The following TCAIM variants were observed in gnomAD, a reference collection of about 807,000 sequenced individuals.
TCAIM encodes the protein T-cell activation inhibitor, mitochondrial.
In TCAIM, 36 loss-of-function variants were observed where a neutral mutation model predicts 58.6. The observed-to-expected ratio is 0.61, with a 90% CI of 0.47 to 0.81. The LOEUF (loss-of-function observed/expected upper bound fraction) is 0.81, where lower values mean the gene tolerates loss of function less well. Ranked by LOEUF, TCAIM falls within the 30% of genes least tolerant of loss-of-function variation. The pLI is 0.00. For missense variants in TCAIM, 466 were observed against 579.6 expected (o/e 0.80, Z 2.01); for synonymous variants, 172 against 193.6 (o/e 0.89, Z 0.93).
chr3:44,372,337 A>G (rs7617320), intron 5 of TCAIM, among the ~76,000 whole-genome samples: 98,691 of 152,058 alleles, frequency 0.65, 32,893 homozygotes, highest in East Asian at 0.97. Context: ...TGCCTAGTAG[A>G]GAGATTCATG....
chr3:44,372,480 A>G (rs1024222717), intron 5 of TCAIM, among the ~76,000 whole-genome samples: 1 of 152,228 alleles, frequency 6.6e-6, no homozygotes, highest in African/African-American at 2.4e-5. Context: ...CATAAGGAAC[A>G]CATGCTGAAT....
intron 5 of TCAIM, among the ~76,000 whole-genome samples, chr3:44,371,354 G>A (rs571671271): frequency 8.3e-4 from 126 of 152,194 alleles, no homozygotes; most frequent in South Asian, 2.5e-3. Context: ...CACCATGCCC[G>A]GCTAGATTAT....
chr3:44,354,101 A>G (rs1048870655), intron 1 of TCAIM, among the ~76,000 whole-genome samples: 1 of 152,208 alleles, frequency 6.6e-6, no homozygotes, highest in Non-Finnish European at 1.5e-5. Flanking sequence ...TGAACAATGT[A>G]AGGTCTGTGT....
chr3:44,341,028 A>G (rs143449615), intron 1 of TCAIM: 361 of 152,288 alleles, frequency 2.4e-3, no homozygotes, highest in African/African-American at 8.1e-3. Flanking sequence ...ATTTTTTCCA[A>G]TGATTTGTAT....
At chr3:44,367,893 A>G in intron 5 of TCAIM, 185 bp downstream of exon 5, 1 of 527,452 alleles carries the variant, frequency 1.9e-6, no homozygotes, top group Admixed American at 3.8e-5. Context: ...TATGAAAAAT[A>G]TATTTCATGT....
At chr3:44,386,499 C>G (rs938805184) in intron 5 of TCAIM, among the ~76,000 whole-genome samples, 1 of 152,230 alleles carries the variant, frequency 6.6e-6, no homozygotes, top group Admixed American at 6.5e-5. Context: ...CCTGGTGCAG[C>G]TGCAGCTACC....
chr3:44,394,922 A>ATG lies in TCAIM; in HGVS notation c.696-1477_696-1476insGT, dbSNP rs763169590. 1.4e-3 allele frequency among the ~76,000 whole-genome samples: 16 copies of ATG among 11,646 alleles called. 1 individual carries two copies. Among genetic ancestry groups the ATG allele is most frequent in the African/African-American group, 5.2e-3 (14 of 2,698 alleles). The allele number at this position is 11,646 out of a possible 152,430, so 7.6% of individuals were successfully genotyped here. ...AAAAAAAAAAAAAAAAAAAAAAAAA[A>ATG]TATATATATATATATATATATATAT... On this transcript the variant is annotated intron_variant, in intron 6 of 10. Transcript: ENST00000342649.
intron 1 of TCAIM, among the ~76,000 whole-genome samples, chr3:44,343,189 T>A (rs1700890694): frequency 6.6e-6 from 1 of 151,668 alleles, no homozygotes; most frequent in Non-Finnish European, 1.5e-5. Flanking sequence ...TTCTTAACCA[T>A]CTATGTTATT....
At chr3:44,388,906 G>C (rs770054385) in intron 5 of TCAIM, among the ~76,000 whole-genome samples, 15 of 152,164 alleles carry the variant, frequency 9.9e-5, no homozygotes, top group Non-Finnish European at 2.2e-4. Flanking sequence ...GTAGGGATTG[G>C]TTTGTAGACA....
chr3:44,358,453 T>C, intron 3 of TCAIM: 1 of 556,462 alleles, frequency 1.8e-6, no homozygotes, highest in Non-Finnish European at 3.1e-6. Context: ...AGACTGAAAA[T>C]ATTAGGGGAA....
At chr3:44,358,757 T>G in intron 3 of TCAIM, 1 of 985,626 alleles carries the variant, frequency 1.0e-6, no homozygotes, top group Non-Finnish European at 1.2e-6. Context: ...GCTTTGGAAT[T>G]ACTTCAGTGT....
At chr3:44,370,908 ATTTT>A (rs56982688) in intron 5 of TCAIM, among the ~76,000 whole-genome samples, 1 of 123,276 alleles carries the variant, frequency 8.1e-6, no homozygotes, top group Non-Finnish European at 1.7e-5. Flanking sequence ...TACCTGGCTA[ATTTT>A]TTTTTTTTTT....
chr3:44,408,230 C>T lies in TCAIM; in HGVS notation c.*548C>T, dbSNP rs1295554598. The T allele has an allele frequency of 6.6e-6, 1 of 152,218 alleles. No homozygotes were observed. The highest frequency in any genetic ancestry group is 1.5e-5 in the Non-Finnish European group (1 of 68,078). 9.4% of individuals were successfully genotyped at this position (152,218 alleles called of 1,614,324 possible). ...TGTGTAAATATAAAGGTCTCACATT[C>T]AGAGTATAGCTCTGAAATAATGGAA... On this transcript the variant is annotated 3_prime_UTR_variant, in exon 11 of 11. Transcript: ENST00000342649.
intron 5 of TCAIM, among the ~76,000 whole-genome samples, chr3:44,385,540 G>T (rs1701725133): frequency 6.6e-6 from 1 of 151,576 alleles, no homozygotes; most frequent in Non-Finnish European, 1.5e-5. Flanking sequence ...AGGAGATTGA[G>T]ACCGTCCTGG....
chr3:44,390,164 A>T (rs1701811744), intron 5 of TCAIM, among the ~76,000 whole-genome samples: 1 of 152,210 alleles, frequency 6.6e-6, no homozygotes, highest in Admixed American at 6.5e-5. Flanking sequence ...AACACAACAC[A>T]ATGTCAGGCA....
chr3:44,349,572 G>T (rs1429585831), intron 1 of TCAIM, among the ~76,000 whole-genome samples: 2 of 152,016 alleles, frequency 1.3e-5, no homozygotes, highest in Non-Finnish European at 2.9e-5. Flanking sequence ...GGTTATGCTT[G>T]CCACCAAAGT....
upstream of TCAIM, chr3:44,338,656 G>T (rs1016926581): frequency 1.3e-5 from 2 of 152,448 alleles, no homozygotes; most frequent in Non-Finnish European, 2.9e-5. Flanking sequence ...CGCCCACCGG[G>T]GCGAGGGCAG....
chr3:44,339,844 C>T (rs1700819148), intron 1 of TCAIM: 1 of 152,126 alleles, frequency 6.6e-6, no homozygotes, highest in Admixed American at 6.5e-5. Context: ...TACACTCCCC[C>T]CTCCCTCTAA....
intron 9 of TCAIM, 48 bp downstream of exon 9, chr3:44,400,635 G>T: frequency 6.7e-7 from 1 of 1,497,698 alleles, no homozygotes; most frequent in Admixed American, 1.7e-5. Context: ...CGTCTAGGTG[G>T]GTTGTGTGTG....
Sources: allele counts gnomAD v4.1 joint callset (sites outside exome capture counted in the v4.1 genomes callset), GRCh38; gene constraint gnomAD v4.1.1; transcripts MANE v1.5; gene names NCBI Gene and HGNC (gene_info 2026-07-23, HGNC 2026-07-21).